TMEM245: variants seen among roughly 807,000 people sequenced by gnomAD.
TMEM245 encodes the protein transmembrane protein 245, also known as protein CG-2.
In TMEM245, 69 loss-of-function variants were observed where a neutral mutation model predicts 101.2. The ratio of observed to expected loss-of-function variants is 0.68; its 90% CI spans 0.56 to 0.83. The LOEUF (loss-of-function observed/expected upper bound fraction) is 0.83. Ranked by LOEUF, TMEM245 falls within the 40% of genes least tolerant of loss-of-function variation. The pLI is 0.00. For missense variants in TMEM245, 1,075 were observed against 1,092.8 expected (o/e 0.98, Z 0.23); for synonymous variants, 537 against 449.8 (o/e 1.19, Z -2.45).
intron 7 of TMEM245, among the ~76,000 whole-genome samples, chr9:109,082,754 A>C (rs1402927588): frequency 6.6e-6 from 1 of 152,160 alleles, no homozygotes; most frequent in Non-Finnish European, 1.5e-5. Context: ...AAAACATAGA[A>C]TATTCAAAAA....
At chr9:109,065,367 T>C (rs529223770) in intron 9 of TMEM245, among the ~76,000 whole-genome samples, 10 of 133,454 alleles carry the variant, frequency 7.5e-5, no homozygotes, top group Admixed American at 3.3e-4. Flanking sequence ...CAGCAATCTG[T>C]ACCTTAACAA....
At chr9:109,082,470 C>T (rs546365365) in intron 7 of TMEM245, among the ~76,000 whole-genome samples, 1 of 152,270 alleles carries the variant, frequency 6.6e-6, no homozygotes, top group Admixed American at 6.5e-5. Flanking sequence ...AGGCAGCTTC[C>T]TGGGGAAAGA....
chr9:109,110,964 G>T (rs1336665531), intron 1 of TMEM245, among the ~76,000 whole-genome samples: 1 of 152,084 alleles, frequency 6.6e-6, no homozygotes, highest in Non-Finnish European at 1.5e-5. Flanking sequence ...TCGTATCAGG[G>T]AAAGTGATTG....
At chr9:109,092,833 C>T (rs1830043610) in intron 4 of TMEM245, among the ~76,000 whole-genome samples, 2 of 152,154 alleles carry the variant, frequency 1.3e-5, no homozygotes, top group Non-Finnish European at 2.9e-5. Flanking sequence ...CCTCAGGAGC[C>T]TGCAATTCCC....
At chr9:109,063,700 T>C (rs2132448323) in intron 10 of TMEM245, among the ~76,000 whole-genome samples, 1 of 152,284 alleles carries the variant, frequency 6.6e-6, no homozygotes, top group East Asian at 1.9e-4. Context: ...TATCATTCAT[T>C]TCCCCTTCAC....
chr9:109,088,642 C>A (rs1281248024), intron 5 of TMEM245, among the ~76,000 whole-genome samples: 1 of 151,586 alleles, frequency 6.6e-6, no homozygotes, highest in African/African-American at 2.4e-5. Flanking sequence ...ACAGTGAAAC[C>A]CCGTCTCTAC....
intron 12 of TMEM245, among the ~76,000 whole-genome samples, chr9:109,052,850 A>G (rs1828726625): frequency 6.6e-6 from 1 of 152,326 alleles, no homozygotes; most frequent in East Asian, 1.9e-4. Context: ...CACTGAGAGA[A>G]AATATCTTGT....
At chr9:109,045,699 T>C (rs1564177218) in intron 14 of TMEM245, among the ~76,000 whole-genome samples, 1 of 152,196 alleles carries the variant, frequency 6.6e-6, no homozygotes, top group East Asian at 1.9e-4. Context: ...AATGAGAAAG[T>C]AAAAGACACA....
In TMEM245 at chr9:109,038,115, C is replaced by T. The variant is rs772863306; in HGVS notation, c.2126G>A (p.Gly709Glu). 1.2e-6 allele frequency: 2 copies of T among 1,610,230 alleles called. No individual in the cohort carries two copies. Among genetic ancestry groups the T allele is most frequent in the Non-Finnish European group, 1.7e-6 (2 of 1,178,194 alleles). The change falls in exon 15 of 18, where the codon GGG becomes GAG. Residue 709 changes from glycine (G) to glutamate (E), a missense_variant and splice_region_variant. Transcript: ENST00000374586. Reference sequence around the variant, plus strand: ...CATTTTGAGGGAAGCATCAAACACCCCTCTGGAATGCCCAAAGATAAAAAG... The same window carrying T: ...CATTTTGAGGGAAGCATCAAACACCTCTCTGGAATGCCCAAAGATAAAAAG... ...IGQSVEEAIR[G>E]VFDASLKMAG...
At chr9:109,021,815 C>G (rs1242358168) in intron 17 of TMEM245, among the ~76,000 whole-genome samples, 1 of 151,934 alleles carries the variant, frequency 6.6e-6, no homozygotes, top group Non-Finnish European at 1.5e-5. Context: ...CACCACCACC[C>G]CCCCAAAAAA....
intron 14 of TMEM245, among the ~76,000 whole-genome samples, chr9:109,041,454 T>A (rs867890264): frequency 0.013 from 339 of 25,638 alleles, 2 homozygotes; most frequent in South Asian, 0.051. Context: ...ATCCTACAAA[T>A]TTTTTTTTTT....
At chr9:109,045,346 A>ACGGC (rs1828454333) in intron 14 of TMEM245, among the ~76,000 whole-genome samples, 1 of 151,754 alleles carries the variant, frequency 6.6e-6, no homozygotes, top group African/African-American at 2.4e-5. Flanking sequence ...CATGAGGGGA[A>ACGGC]CGGCCGAGCT....
chr9:109,073,554 T>C (rs1829398344), intron 8 of TMEM245, 116 bp from the exon 9 acceptor site: 1 of 714,652 alleles, frequency 1.4e-6, no homozygotes, highest in Non-Finnish European at 2.3e-6. Flanking sequence ...ATACACATCT[T>C]TGCTTTAATT....
At chr9:109,093,614 C>G in intron 3 of TMEM245, 23 bp from the exon 4 acceptor site, 1 of 1,586,760 alleles carries the variant, frequency 6.3e-7, no homozygotes, top group South Asian at 1.1e-5. Flanking sequence ...CATCCATTTT[C>G]AAAACTCTTT....
rs1827523817 is a variant in TMEM245 at position 109,018,671 on chromosome 9, T to C, written c.*1789A>G. ...TAGGGAGATGTTTTAGGAAAAATTATTAATATTTCTACCTTTAAATACTTT... is the reference window on the plus strand; with the variant it reads ...TAGGGAGATGTTTTAGGAAAAATTACTAATATTTCTACCTTTAAATACTTT... On this transcript the variant is annotated 3_prime_UTR_variant, in exon 18 of 18. Coordinates refer to ENST00000374586, the MANE Select transcript of TMEM245 (RefSeq NM_032012.4). The C allele has an allele frequency of 6.6e-6, 1 of 152,166 alleles. No homozygotes were observed. The highest frequency in any genetic ancestry group is 2.4e-5 in the African/African-American group (1 of 41,430). The allele number at this position is 152,166 out of a possible 1,614,324, so 9.4% of individuals were successfully genotyped here. A position where few individuals can be genotyped will look rare whatever the true frequency, so the allele number is the denominator to read the frequency against.
rs141353798 is a variant in TMEM245 at position 109,097,010 on chromosome 9, A to T, written c.800-3419T>A. On this transcript the variant is annotated intron_variant, in intron 3 of 17. Transcript: ENST00000374586. ...AGCCCCTGGTCTCAAATTCAGTCTG[A>T]TACTTAAGAGCTAATGTAAAGTAAG... 2.0e-4 allele frequency among the ~76,000 whole-genome samples: 30 copies of T among 152,358 alleles called. No homozygotes were observed. In the East Asian group the frequency reaches 5.4e-3, roughly 27 times the overall value.
intron 9 of TMEM245, among the ~76,000 whole-genome samples, chr9:109,072,608 G>T (rs1381295265): frequency 1.3e-5 from 2 of 152,210 alleles, no homozygotes; most frequent in Non-Finnish European, 2.9e-5. Flanking sequence ...TACCCTACGG[G>T]TGGTGTTGAG....
chr9:109,110,353 A>G (rs1830536785), intron 1 of TMEM245, among the ~76,000 whole-genome samples: 1 of 152,206 alleles, frequency 6.6e-6, no homozygotes, highest in Middle Eastern at 3.2e-3. Flanking sequence ...TACACATGAA[A>G]GAAACCCAGA....
rs755399182 is a variant in TMEM245 at position 109,032,365 on chromosome 9, C to CTTTTTTTTTT, written c.2594+932_2594+941dup. On this transcript the variant is annotated intron_variant, in intron 17 of 17. Transcript: ENST00000374586. ...GCATTTGGTTGTCCTATTTCTTTTC[C>CTTTTTTTTTT]TTTTTTTTTTTTTTTTTTTTTTTTT... Among the ~76,000 whole-genome samples the CTTTTTTTTTT allele has an allele frequency of 4.5e-3, 186 of 40,976 alleles. 66 individuals are homozygous for CTTTTTTTTTT. The highest frequency in any genetic ancestry group is 0.04 in the Middle Eastern group (2 of 50). 26.9% of individuals were successfully genotyped at this position (40,976 alleles called of 152,430 possible).
Sources: gnomAD v4.1 joint callset for allele counts (sites outside exome capture counted in the v4.1 genomes callset) on GRCh38, gnomAD v4.1.1 for gene constraint, MANE v1.5 for transcripts, NCBI Gene and HGNC (gene_info 2026-07-23, HGNC 2026-07-21) for gene names.